SAFB2: variants seen among roughly 807,000 people sequenced by gnomAD.
SAFB2 encodes the protein scaffold attachment factor B2.
SAFB2 carries 32 observed loss-of-function variants against 100.6 expected under a neutral mutation model. The observed-to-expected ratio is 0.32, with a 90% confidence interval of 0.24 to 0.43. The LOEUF is 0.43. Among genes scored for constraint, SAFB2 ranks in the 20% least tolerant of loss-of-function variants. The pLI, the probability that SAFB2 is intolerant of heterozygous loss-of-function variation, is 1.00. For missense variants in SAFB2, 1,185 were observed against 1,163.4 expected (o/e 1.02, Z -0.27); for synonymous variants, 500 against 439.4 (o/e 1.14, Z -1.72).
chr19:5,613,805 CT>C, intron 4 of SAFB2: 1 of 902,448 alleles, frequency 1.1e-6, no homozygotes, highest in Non-Finnish European at 1.3e-6. Context: ...TTTCTAAGTA[CT>C]GGTGATTACC....
At chr19:5,609,235 G>A (rs2052849219) in intron 9 of SAFB2, among the ~76,000 whole-genome samples, 3 of 148,980 alleles carry the variant, frequency 2.0e-5, no homozygotes, top group Admixed American at 2.0e-4. Flanking sequence ...CCACGATCAT[G>A]TTCTAGTTAT....
At chr19:5,621,536 A>C (rs1384064561) in intron 1 of SAFB2, 140 bp from the exon 2 acceptor site, 1 of 686,614 alleles carries the variant, frequency 1.5e-6, no homozygotes, top group Non-Finnish European at 2.6e-6. Context: ...CTGGGCCGCA[A>C]GCCCAAAAGG....
chr19:5,622,767 T>G lies in SAFB2; in HGVS notation c.-52A>C. 1.3e-6 allele frequency: 2 copies of G among 1,545,782 alleles called. No individual in the cohort carries two copies. The highest frequency in any genetic ancestry group is 1.7e-6 in the Non-Finnish European group (2 of 1,149,588). On this transcript the variant is annotated 5_prime_UTR_variant, in exon 1 of 21. Coordinates refer to ENST00000252542, the MANE Select transcript of SAFB2 (RefSeq NM_014649.3). ...CTCAGTCGCACACCGCCGGCAGCTA[T>G]AGCGGCTCTGAACACAAAATGGCGC...
At chr19:5,601,091 C>A (rs2052646150) in intron 11 of SAFB2, among the ~76,000 whole-genome samples, 1 of 152,184 alleles carries the variant, frequency 6.6e-6, no homozygotes, top group South Asian at 2.1e-4. Flanking sequence ...AGGGAAGCCT[C>A]TCTGATTGCC....
intron 11 of SAFB2, among the ~76,000 whole-genome samples, chr19:5,601,546 T>C (rs1201898285): frequency 6.6e-6 from 1 of 151,858 alleles, no homozygotes; most frequent in African/African-American, 2.4e-5. Flanking sequence ...CCGTCTCTAC[T>C]AAAAATACAA....
At chr19:5,602,916 C>G (rs942229874) in intron 11 of SAFB2, among the ~76,000 whole-genome samples, 13 of 146,362 alleles carry the variant, frequency 8.9e-5, no homozygotes, top group Non-Finnish European at 1.2e-4. Flanking sequence ...CCGCCCCCCC[C>G]ACCCCCCTCC....
chr19:5,598,994 A>G (rs1302145818), intron 12 of SAFB2, 110 bp from the exon 13 acceptor site: 1 of 894,760 alleles, frequency 1.1e-6, no homozygotes, highest in Non-Finnish European at 1.8e-6. Flanking sequence ...GCGTGAGTCA[A>G]GTGACTGACA....
rs367629129 is a variant in SAFB2 at position 5,609,463 on chromosome 19, C to A, written c.1296+532G>T. On this transcript the variant is annotated intron_variant, in intron 9 of 20. Coordinates refer to ENST00000252542, the MANE Select transcript of SAFB2 (RefSeq NM_014649.3). ...CGACTACAGGCACAGAACACCACGGCTGGCTGATTTTTGTATTTTTAGCAG... is the reference window on the plus strand; with the variant it reads ...CGACTACAGGCACAGAACACCACGGATGGCTGATTTTTGTATTTTTAGCAG... Among the ~76,000 whole-genome samples the A allele has an allele frequency of 7.9e-4, 120 of 152,196 alleles. 1 individual carries two copies. Among genetic ancestry groups the A allele is most frequent in the African/African-American group, 2.8e-3 (118 of 41,536 alleles).
intron 2 of SAFB2, among the ~76,000 whole-genome samples, chr19:5,618,052 G>A (rs1197635975): frequency 6.6e-6 from 1 of 152,150 alleles, no homozygotes; most frequent in Non-Finnish European, 1.5e-5. Context: ...AATGAGGTGG[G>A]AGGATGCTCC....
At position 5,600,274 on chromosome 19, in the gene SAFB2, T is replaced by C. The variant is rs1011908577; in HGVS notation, c.1560-14A>G. ...TTAATTACAGTTCTATTTAAAGACA[T>C]GGTTATCAAATTTGAGTTCACAAGA... On this transcript the variant is annotated splice_polypyrimidine_tract_variant and intron_variant, in intron 11 of 20. Coordinates refer to ENST00000252542, the MANE Select transcript of SAFB2 (RefSeq NM_014649.3). The C allele has an allele frequency of 1.2e-6, 2 of 1,610,330 alleles. No individual in the cohort carries two copies.
Position 5,595,871 on chromosome 19 carries a change from G to C in SAFB2, c.1783-374C>G, listed in dbSNP as rs186470661. Among the ~76,000 whole-genome samples, 89 of 152,360 alleles carry C rather than the reference G, an allele frequency of 5.8e-4. 2 individuals are homozygous for C. The highest frequency in any genetic ancestry group is 4.9e-3 in the Admixed American group (75 of 15,302). On this transcript the variant is annotated intron_variant, in intron 13 of 20. Transcript: ENST00000252542. ...CAGGGCCACTGTGGCCATTAGTTCAGAGGGGACAGCAGTCAGGCCAGCTGT... is the reference window on the plus strand; with the variant it reads ...CAGGGCCACTGTGGCCATTAGTTCACAGGGGACAGCAGTCAGGCCAGCTGT...
At chr19:5,621,248 C>G (rs2053135397) in intron 2 of SAFB2, 61 bp downstream of exon 2, 1 of 1,127,712 alleles carries the variant, frequency 8.9e-7, no homozygotes, top group South Asian at 1.2e-5. Flanking sequence ...GAAGAGCACA[C>G]TACACACCAT....
chr19:5,602,882 T>C (rs913338555), intron 11 of SAFB2, among the ~76,000 whole-genome samples: 3 of 152,202 alleles, frequency 2.0e-5, no homozygotes, highest in African/African-American at 7.2e-5. Flanking sequence ...CTTTTTGAAG[T>C]TGCTGATTAA....
At chr19:5,597,689 T>A (rs867143918) in intron 13 of SAFB2, among the ~76,000 whole-genome samples, 5 of 152,332 alleles carry the variant, frequency 3.3e-5, no homozygotes, top group South Asian at 2.1e-4. Context: ...GTGTCATCAC[T>A]ACTTGTTTTC....
rs754182718 is a variant in SAFB2 at position 5,621,411 on chromosome 19, T to C, written c.187-15A>G. 5.6e-5 allele frequency: 86 copies of C among 1,546,258 alleles called. No individual in the cohort carries two copies. Among genetic ancestry groups the C allele is most frequent in the East Asian group, 3.4e-4 (15 of 44,586 alleles). ...TCTTTAACCGCCTATTAGGGAGAGA[T>C]GAGTTTTACAACATCATTAAGAGCT... On this transcript the variant is annotated splice_polypyrimidine_tract_variant and intron_variant, in intron 1 of 20. Transcript: ENST00000252542.
rs1421930911 is a variant in SAFB2, at chr19:5,587,263, G to C, written c.2842C>G (p.His948Asp). ...GGGACTTAGTAGCGGCGGGTGAAGT[G>C]GGGGTACGGGGGGGGATGAGGGTGT... ...HPHPHPPPYP[H>D]FTRRY The change falls in exon 21 of 21, where the codon CAC (histidine) becomes GAC (aspartate). Residue 948 changes from histidine to aspartate, a missense_variant. His to Asp is a moderately conservative substitution (Grantham distance 81). Around this residue, in one of 3 missense-constraint regions of SAFB2, gnomAD observed 740 missense variants for 687.1 expected, o/e 1.08. Transcript: ENST00000252542. This position sits in a 1 kb window ranked among gnomAD's most constrained non-coding sequence, Gnocchi z 4.9. 1 of 1,612,856 alleles carries C rather than the reference G, an allele frequency of 6.2e-7. No individual in the cohort carries two copies. Among genetic ancestry groups the C allele is most frequent in the Non-Finnish European group, 8.5e-7 (1 of 1,179,746 alleles).
chr19:5,619,362 A>G (rs369860834), intron 2 of SAFB2, among the ~76,000 whole-genome samples: 12 of 152,210 alleles, frequency 7.9e-5, no homozygotes, highest in East Asian at 5.8e-4. Flanking sequence ...AACCCTCACT[A>G]GAGCTGAGGC....
intron 1 of SAFB2, 50 bp downstream of exon 1, chr19:5,622,480 G>A: frequency 6.7e-7 from 1 of 1,484,432 alleles, no homozygotes; most frequent in Non-Finnish European, 9.0e-7. Flanking sequence ...GGTGCAGGCG[G>A]GGGCGTGCCC....
intron 4 of SAFB2, chr19:5,613,759 G>A (rs2052962390): frequency 1.0e-6 from 1 of 985,162 alleles, no homozygotes. Flanking sequence ...TGCCCTGTCT[G>A]TACTGGGTGA....
Sources: allele counts gnomAD v4.1 joint callset (sites outside exome capture counted in the v4.1 genomes callset), GRCh38; gene constraint gnomAD v4.1.1; regional missense constraint gnomAD v4.1.1; non-coding constraint Gnocchi (gnomAD v3.1); transcripts MANE v1.5; gene names NCBI Gene and HGNC (gene_info 2026-07-23, HGNC 2026-07-21).